Variants in SLC1A4 observed in about 807,000 individuals in gnomAD.
The protein encoded by SLC1A4 is neutral amino acid transporter A.
A neutral mutation model predicts 37.7 loss-of-function variants in SLC1A4; 19 were observed. The observed-to-expected ratio is 0.50, with a 90% CI of 0.35 to 0.74. The LOEUF (loss-of-function observed/expected upper bound fraction) is 0.74. Ranked by LOEUF, SLC1A4 falls within the 30% of genes least tolerant of loss-of-function variation. The pLI is 0.01. For missense variants in SLC1A4, 570 were observed against 712.9 expected, an observed-to-expected ratio of 0.80 and a Z score of 2.28; for synonymous variants, 299 against 309.8, an observed-to-expected ratio of 0.97 and a Z score of 0.37.
intron 1 of SLC1A4, chr2:64,994,861 T>A (rs1298118751): frequency 2.0e-5 from 3 of 152,340 alleles, no homozygotes; most frequent in East Asian, 1.9e-4. Context: ...CCATATTTTT[T>A]AAATTAAAAT....
intron 3 of SLC1A4, among the ~76,000 whole-genome samples, chr2:65,005,984 C>A (rs1402680132): frequency 1.3e-5 from 2 of 152,098 alleles, no homozygotes. Flanking sequence ...GCCTGGGCAA[C>A]AGAGCAAAAT....
chr2:65,016,715 A>G, intron 5 of SLC1A4, 42 bp downstream of exon 5: 1 of 1,363,690 alleles, frequency 7.3e-7, no homozygotes, highest in Non-Finnish European at 1.0e-6. Flanking sequence ...GAGCCATGTT[A>G]ACATGGAACC....
At chr2:65,010,495 G>C (rs558025650) in intron 3 of SLC1A4, 102 bp from the exon 4 acceptor site, 3 of 950,018 alleles carry the variant, frequency 3.2e-6, no homozygotes, top group Non-Finnish European at 4.6e-6. Context: ...GCTTTTTCTC[G>C]TTCTGGGTAC....
chr2:65,019,475 G>A lies in SLC1A4; in HGVS notation c.1364+796G>A, dbSNP rs543683618. 7.2e-5 allele frequency among the ~76,000 whole-genome samples: 11 copies of A among 152,294 alleles called. 1 individual carries two copies. In the South Asian group the frequency reaches 1.9e-3, roughly 26 times the overall value. On this transcript the variant is annotated intron_variant, in intron 7 of 7. Coordinates refer to ENST00000234256, the MANE Select transcript of SLC1A4 (RefSeq NM_003038.5). Reference sequence around the variant, plus strand: ...ACCAGGGTTGTGGGGAAGATTGAGCGAGTTAGCACGGGAACAGCACACAGA... The same window carrying A: ...ACCAGGGTTGTGGGGAAGATTGAGCAAGTTAGCACGGGAACAGCACACAGA...
intron 1 of SLC1A4, among the ~76,000 whole-genome samples, chr2:64,997,751 G>A (rs1483012847): frequency 2.0e-5 from 3 of 152,158 alleles, no homozygotes; most frequent in Non-Finnish European, 2.9e-5. Flanking sequence ...TATGAATAAC[G>A]CTGTTATGCA....
chr2:65,002,280 AAAATAAATAAAT>A (rs139658708), intron 2 of SLC1A4, among the ~76,000 whole-genome samples: 1 of 144,310 alleles, frequency 6.9e-6, no homozygotes, highest in South Asian at 2.2e-4. Flanking sequence ...ACTCTATCTC[AAAATAAATAAAT>A]AAATAAATAA....
intron 1 of SLC1A4, among the ~76,000 whole-genome samples, chr2:64,992,723 G>C (rs1324726259): frequency 6.6e-6 from 1 of 152,156 alleles, no homozygotes; most frequent in African/African-American, 2.4e-5. Context: ...ACATGCCTTA[G>C]TAATGTCACC....
In SLC1A4 at chr2:65,023,046, G is replaced by C. The variant is rs939569256; in HGVS notation, c.*1900G>C. 1 of 152,368 alleles carries C rather than the reference G, an allele frequency of 6.6e-6. No individual in the cohort carries two copies. The highest frequency in any genetic ancestry group is 2.1e-4 in the South Asian group (1 of 4,822). The allele number at this position is 152,368 out of a possible 1,614,324, so 9.4% of individuals were successfully genotyped here. ...ATGGGACACAGAGTTGACCCAGCCAGGGGGAAAGCCCAGCTCTCTTTAAAC... is the reference window on the plus strand; with the variant it reads ...ATGGGACACAGAGTTGACCCAGCCACGGGGAAAGCCCAGCTCTCTTTAAAC... On this transcript the variant is annotated 3_prime_UTR_variant, in exon 8 of 8. Coordinates refer to ENST00000234256, the MANE Select transcript of SLC1A4 (RefSeq NM_003038.5).
chr2:65,011,676 C>T (rs1673924867), intron 4 of SLC1A4: 1 of 152,118 alleles, frequency 6.6e-6, no homozygotes, highest in Non-Finnish European at 1.5e-5. Flanking sequence ...AAAATTTGAC[C>T]AGCTCCCTCA....
intron 4 of SLC1A4, among the ~76,000 whole-genome samples, chr2:65,015,152 A>G (rs762022209): frequency 6.6e-6 from 1 of 152,230 alleles, no homozygotes; most frequent in Non-Finnish European, 1.5e-5. Context: ...GAAGTAGAAC[A>G]GTGATTCTCA....
intron 5 of SLC1A4, 134 bp downstream of exon 5, chr2:65,016,807 T>G: frequency 1.5e-6 from 1 of 662,710 alleles, no homozygotes; most frequent in South Asian, 1.9e-5. Context: ...CTTCTGTTAT[T>G]TTTTTGTTTT....
intron 1 of SLC1A4, among the ~76,000 whole-genome samples, chr2:64,994,581 T>C (rs1673180459): frequency 6.6e-6 from 1 of 152,204 alleles, no homozygotes. Context: ...TAGCAAACCA[T>C]GCTCTGAGCC....
upstream of SLC1A4, chr2:64,989,343 T>G (rs1672943279): frequency 3.8e-6 from 1 of 266,340 alleles, no homozygotes; most frequent in Non-Finnish European, 7.0e-6. Context: ...CTGGGGCCGC[T>G]GGCGCGCCCT....
At chr2:65,016,297 G>T (rs1003773589) in intron 4 of SLC1A4, 143 bp from the exon 5 acceptor site, 7 of 685,830 alleles carry the variant, frequency 1.0e-5, no homozygotes, top group Non-Finnish European at 1.8e-5. Context: ...GTATAACCCT[G>T]ACTGTTTCGG....
At chr2:64,995,295 C>A (rs1159452908) in intron 1 of SLC1A4, among the ~76,000 whole-genome samples, 1 of 152,176 alleles carries the variant, frequency 6.6e-6, no homozygotes, top group Non-Finnish European at 1.5e-5. Flanking sequence ...GTGTCCTTAT[C>A]TGTAAAATGA....
At chr2:65,015,406 G>C (rs1422871689) in intron 4 of SLC1A4, among the ~76,000 whole-genome samples, 1 of 152,086 alleles carries the variant, frequency 6.6e-6, no homozygotes, top group Non-Finnish European at 1.5e-5. Context: ...ATGTAATATA[G>C]GGTGAAAAAG....
chr2:65,002,275 A>G (rs976033951), intron 2 of SLC1A4, among the ~76,000 whole-genome samples: 3 of 151,758 alleles, frequency 2.0e-5, no homozygotes, highest in Admixed American at 2.0e-4. Flanking sequence ...GTGAGACTCT[A>G]TCTCAAAATA....
At chr2:64,996,800 T>A (rs1313815521) in intron 1 of SLC1A4, among the ~76,000 whole-genome samples, 2 of 152,182 alleles carry the variant, frequency 1.3e-5, no homozygotes, top group Non-Finnish European at 2.9e-5. Context: ...GGGATAGAAC[T>A]GGATCACCTC....
chr2:65,021,006 C>G lies in SLC1A4; in HGVS notation c.1459C>G (p.Gln487Glu), dbSNP rs1674396958. The G allele has an allele frequency of 6.2e-7, 1 of 1,614,240 alleles. No individual in the cohort carries two copies. The highest frequency in any genetic ancestry group is 2.2e-5 in the East Asian group (1 of 44,888). Residue 487 changes from glutamine to glutamate, a missense_variant, in exon 8 of 8, where the codon CAG becomes GAG. Coordinates refer to ENST00000234256, the MANE Select transcript of SLC1A4 (RefSeq NM_003038.5). ...LNQKATKKGE[Q>E]ELAEVKVEAI... Reference sequence around the variant, plus strand: ...TCAGAAGGCAACAAAGAAAGGCGAGCAGGAACTTGCTGAGGTGAAAGTGGA... The same window carrying G: ...TCAGAAGGCAACAAAGAAAGGCGAGGAGGAACTTGCTGAGGTGAAAGTGGA...
Sources: allele counts gnomAD v4.1 joint callset (sites outside exome capture counted in the v4.1 genomes callset), GRCh38; gene constraint gnomAD v4.1.1; transcripts MANE v1.5; gene names NCBI Gene and HGNC (gene_info 2026-07-23, HGNC 2026-07-21).